MYO1E: variants seen among roughly 807,000 people sequenced by gnomAD.
MYO1E encodes the protein unconventional myosin-Ie.
A neutral mutation model predicts 151.1 loss-of-function variants in MYO1E; 68 were observed. The observed-to-expected ratio is 0.45, with a 90% CI of 0.37 to 0.55. The LOEUF (loss-of-function observed/expected upper bound fraction) is 0.55. Among genes scored for constraint, MYO1E ranks in the 20% least tolerant of loss-of-function variants. MYO1E has a pLI of 0.00. For missense variants in MYO1E, 1,363 were observed against 1,389.3 expected, an observed-to-expected ratio of 0.98 and a Z score of 0.30; for synonymous variants, 601 against 501.7, an observed-to-expected ratio of 1.20 and a Z score of -2.64.
At chr15:59,196,444 A>G (rs2079766839) in intron 16 of MYO1E, among the ~76,000 whole-genome samples, 1 of 152,214 alleles carries the variant, frequency 6.6e-6, no homozygotes, top group African/African-American at 2.4e-5. Context: ...AGGATGTGGC[A>G]CACATGCGAA....
chr15:59,254,740 A>G (rs2080184354), intron 4 of MYO1E, among the ~76,000 whole-genome samples: 1 of 152,218 alleles, frequency 6.6e-6, no homozygotes. Flanking sequence ...AATACGTATG[A>G]TAAGATTGTG....
intron 15 of MYO1E, among the ~76,000 whole-genome samples, chr15:59,202,787 G>A (rs910879390): frequency 2.6e-5 from 4 of 152,138 alleles, no homozygotes; most frequent in African/African-American, 9.7e-5. Flanking sequence ...TACTGCCCAG[G>A]TTGGAGCGCA....
At chr15:59,200,347 AAT>A (rs1427562017) in intron 16 of MYO1E, among the ~76,000 whole-genome samples, 3 of 152,186 alleles carry the variant, frequency 2.0e-5, no homozygotes, top group Non-Finnish European at 4.4e-5. Context: ...CGCAGACATT[AAT>A]ATCTGGGCCT....
chr15:59,237,320 T>C (rs1330112698), intron 4 of MYO1E, among the ~76,000 whole-genome samples: 1 of 152,186 alleles, frequency 6.6e-6, no homozygotes, highest in Non-Finnish European at 1.5e-5. Context: ...TTAGAAGTTC[T>C]AAAATTAAAC....
intron 5 of MYO1E, among the ~76,000 whole-genome samples, chr15:59,235,940 T>G (rs1366314682): frequency 3.3e-5 from 5 of 152,222 alleles, no homozygotes; most frequent in African/African-American, 1.2e-4. Flanking sequence ...CATACTTTCA[T>G]GTTTTGTGAG....
intron 9 of MYO1E, 61 bp downstream of exon 9, chr15:59,222,998 G>C (rs767924125): frequency 3.1e-6 from 5 of 1,606,688 alleles, no homozygotes; most frequent in Non-Finnish European, 3.4e-6. Flanking sequence ...GAAAGTGCTA[G>C]GTTACTTCTA....
chr15:59,226,109 G>A (rs1307468082), intron 7 of MYO1E, among the ~76,000 whole-genome samples: 1 of 152,024 alleles, frequency 6.6e-6, no homozygotes, highest in Admixed American at 6.6e-5. Context: ...ATCTAGCACT[G>A]GGTATTATTT....
intron 1 of MYO1E, among the ~76,000 whole-genome samples, chr15:59,287,465 T>A (rs1395578060): frequency 2.0e-5 from 3 of 152,212 alleles, no homozygotes; most frequent in Non-Finnish European, 2.9e-5. Context: ...CAGCACGGCT[T>A]CACTGATCTT....
At chr15:59,228,354 G>A (rs913950027) in intron 6 of MYO1E, among the ~76,000 whole-genome samples, 1 of 152,028 alleles carries the variant, frequency 6.6e-6, no homozygotes, top group Non-Finnish European at 1.5e-5. Flanking sequence ...ATGGTGGCGG[G>A]TGCCTGCAGT....
chr15:59,226,924 G>C (rs1486931133), intron 7 of MYO1E, among the ~76,000 whole-genome samples: 2 of 152,196 alleles, frequency 1.3e-5, no homozygotes, highest in Admixed American at 6.5e-5. Context: ...ACTTCTGAGG[G>C]TCTAGGTGGC....
chr15:59,262,734 G>T (rs1302191091), intron 2 of MYO1E, among the ~76,000 whole-genome samples: 1 of 152,104 alleles, frequency 6.6e-6, no homozygotes, highest in African/African-American at 2.4e-5. Context: ...GGGAAAGAAG[G>T]TATTATTTCT....
chr15:59,152,161 G>T (rs113986269), intron 26 of MYO1E, among the ~76,000 whole-genome samples: 3,342 of 152,210 alleles, frequency 0.022, 76 homozygotes, highest in African/African-American at 0.043. Flanking sequence ...CCTGGGAGGA[G>T]GCTGCAGTGA....
At chr15:59,231,410 T>C (rs533596598) in intron 6 of MYO1E, among the ~76,000 whole-genome samples, 72 of 152,320 alleles carry the variant, frequency 4.7e-4, no homozygotes, top group African/African-American at 1.5e-3. Context: ...CTCTAGGGCA[T>C]AAAGACAACT....
chr15:59,141,804 A>G (rs1388029819), intron 26 of MYO1E, among the ~76,000 whole-genome samples: 1 of 148,882 alleles, frequency 6.7e-6, no homozygotes, highest in African/African-American at 2.5e-5. Context: ...TCTCAAAAAA[A>G]AAAAAAAAAA....
intron 1 of MYO1E, among the ~76,000 whole-genome samples, chr15:59,371,460 G>C (rs1342968520): frequency 6.7e-6 from 1 of 148,546 alleles, no homozygotes; most frequent in East Asian, 2.0e-4. Context: ...ATGAACTGCC[G>C]ATCTCTTCAA....
At position 59,136,777 on chromosome 15, in the gene MYO1E, C is replaced by T; in HGVS notation, c.*603G>A. ...CCAGCCCCCAGCCCCCAGCCCCTGA[C>T]CTGCTTGGCGGCCCTGATGGTCCCG... On this transcript the variant is annotated 3_prime_UTR_variant, in exon 28 of 28. Coordinates refer to ENST00000288235, the MANE Select transcript of MYO1E (RefSeq NM_004998.4). 1 of 456,444 alleles carries T rather than the reference C, an allele frequency of 2.2e-6. No homozygotes were observed. The highest frequency in any genetic ancestry group is 4.4e-6 in the Non-Finnish European group (1 of 226,810). The allele number at this position is 456,444 out of a possible 1,614,324, so 28.3% of individuals were successfully genotyped here. A position where few individuals can be genotyped will look rare whatever the true frequency, so the allele number is the denominator to read the frequency against.
chr15:59,321,527 T>C (rs1361072390), intron 1 of MYO1E, among the ~76,000 whole-genome samples: 1 of 152,180 alleles, frequency 6.6e-6, no homozygotes, highest in Non-Finnish European at 1.5e-5. Context: ...TCATGTCCTT[T>C]GAAGCAACAT....
chr15:59,319,549 C>CTTT (rs2080611577), intron 1 of MYO1E, among the ~76,000 whole-genome samples: 1 of 77,432 alleles, frequency 1.3e-5, no homozygotes, highest in South Asian at 4.6e-4. Flanking sequence ...AGTCAAACTA[C>CTTT]CTTTTTTTTT....
At chr15:59,262,311 G>A (rs1596389756) in intron 2 of MYO1E, among the ~76,000 whole-genome samples, 1 of 152,054 alleles carries the variant, frequency 6.6e-6, no homozygotes, top group Non-Finnish European at 1.5e-5. Flanking sequence ...GAATTAAAAG[G>A]CATCAATGAG....
Sources: gnomAD v4.1 joint callset for allele counts (sites outside exome capture counted in the v4.1 genomes callset) on GRCh38, gnomAD v4.1.1 for gene constraint, MANE v1.5 for transcripts, NCBI Gene and HGNC (gene_info 2026-07-23, HGNC 2026-07-21) for gene names.